Variants in PRKN observed in about 807,000 individuals in gnomAD.
PRKN encodes the protein E3 ubiquitin-protein ligase parkin.
PRKN carries 56 observed loss-of-function variants against 59.5 expected under a neutral mutation model. The observed-to-expected ratio is 0.94, with a 90% CI of 0.76 to 1.18. The LOEUF is 1.18. PRKN is among the 50% of genes most tolerant of loss of function. PRKN has a pLI of 0.00. For missense variants in PRKN, 657 were observed against 596.4 expected (o/e 1.10, Z -1.06); for synonymous variants, 250 against 222.1 (o/e 1.13, Z -1.12).
intron 1 of PRKN, among the ~76,000 whole-genome samples, chr6:162,497,973 G>A (rs1793145301): frequency 6.6e-6 from 1 of 151,958 alleles, no homozygotes; most frequent in African/African-American, 2.4e-5. Context: ...GCCCTGATTT[G>A]GTCATTACAT....
At chr6:162,517,780 A>T (rs1777926380) in intron 1 of PRKN, among the ~76,000 whole-genome samples, 2 of 152,110 alleles carry the variant, frequency 1.3e-5, no homozygotes, top group African/African-American at 4.8e-5. Context: ...GGACAAAAAA[A>T]CTGGGTTTTA....
intron 5 of PRKN, among the ~76,000 whole-genome samples, chr6:162,039,882 G>A (rs1270351255): frequency 6.6e-6 from 1 of 152,170 alleles, no homozygotes; most frequent in Non-Finnish European, 1.5e-5. Flanking sequence ...ACTGTGGAAG[G>A]TATGCCCGTC....
intron 2 of PRKN, among the ~76,000 whole-genome samples, chr6:162,310,054 A>T (rs1658145238): frequency 6.6e-6 from 1 of 152,058 alleles, no homozygotes; most frequent in South Asian, 2.1e-4. Context: ...ATTCTTTTTT[A>T]TGGCTGCATA....
intron 1 of PRKN, among the ~76,000 whole-genome samples, chr6:162,556,366 T>TGCGTGTGCGTGTGC (rs1554243442): frequency 1.5e-4 from 15 of 98,360 alleles, no homozygotes; most frequent in African/African-American, 4.2e-4. Context: ...TGTGTGTGTG[T>TGCGTGTGCGTGTGC]GTGTGTGTGT....
chr6:162,510,546 C>T (rs1164647509), intron 1 of PRKN, among the ~76,000 whole-genome samples: 2 of 152,150 alleles, frequency 1.3e-5, no homozygotes, highest in Admixed American at 6.6e-5. Flanking sequence ...CAGCTCTGAG[C>T]CCTCCAGGGC....
chr6:162,182,643 C>A (rs145069014), intron 4 of PRKN, among the ~76,000 whole-genome samples: 1 of 152,206 alleles, frequency 6.6e-6, no homozygotes, highest in African/African-American at 2.4e-5. Context: ...CCAGGATCCT[C>A]GCAGGAGTAC....
intron 2 of PRKN, among the ~76,000 whole-genome samples, chr6:162,426,373 T>G (rs968104678): frequency 6.6e-5 from 10 of 152,108 alleles, no homozygotes; most frequent in African/African-American, 2.4e-4. Context: ...GTGAAGAAAA[T>G]AAAATAAAAC....
intron 2 of PRKN, among the ~76,000 whole-genome samples, chr6:162,325,850 G>A (rs7769694): frequency 0.47 from 71,900 of 151,850 alleles, 17,632 homozygotes; most frequent in Middle Eastern, 0.54. Context: ...TTGAAAAAGA[G>A]TAAGTCAAAC....
intron 7 of PRKN, among the ~76,000 whole-genome samples, chr6:161,630,102 G>GA (rs1783243690): frequency 6.6e-6 from 1 of 152,148 alleles, no homozygotes; most frequent in African/African-American, 2.4e-5. Context: ...TTTTCAATTT[G>GA]ATTGAATTTC....
chr6:161,757,378 T>C (rs1032990587), intron 7 of PRKN, among the ~76,000 whole-genome samples: 2 of 152,192 alleles, frequency 1.3e-5, no homozygotes, highest in Admixed American at 6.5e-5. Context: ...ATTCTTACAT[T>C]TTTATAGTAA....
chr6:162,535,228 G>T lies in PRKN; in HGVS notation c.8-91755C>A, dbSNP rs541886058. 2.6e-5 allele frequency among the ~76,000 whole-genome samples: 4 copies of T among 152,168 alleles called. No homozygotes were observed. The South Asian group carries it at 8.3e-4, about 32-fold the overall frequency. ...TTCTGCAGCTCAGAGGGGATGGCTG[G>T]ACTACCAATCCTAATGGGTTGGGAC... On this transcript the variant is annotated intron_variant, in intron 1 of 11. Transcript: ENST00000366898.
At chr6:162,103,059 AG>A (rs1780044825) in intron 4 of PRKN, among the ~76,000 whole-genome samples, 1 of 151,284 alleles carries the variant, frequency 6.6e-6, no homozygotes, top group Admixed American at 6.6e-5. Context: ...AAAAAAAAAA[AG>A]AAAAAAAGAA....
In PRKN at chr6:161,347,609, TTTTG is replaced by T. The variant is rs1784382181; in HGVS notation, c.*2486_*2489del. 1 of 143,524 alleles carries T rather than the reference TTTTG, an allele frequency of 7.0e-6. No individual in the cohort carries two copies. Among genetic ancestry groups the T allele is most frequent in the South Asian group, 2.4e-4 (1 of 4,234 alleles). The allele number at this position is 143,524 out of a possible 1,614,324, so 8.9% of individuals were successfully genotyped here. A position where few individuals can be genotyped will look rare whatever the true frequency, so the allele number is the denominator to read the frequency against. ...TCATGTGTAGTGGATGATCTTGCTT[TTTTG>T]TTTTTGTTTTTTTTTTTTTTTTGAG... On this transcript the variant is annotated 3_prime_UTR_variant, in exon 12 of 12. Coordinates refer to ENST00000366898, the MANE Select transcript of PRKN (RefSeq NM_004562.3).
intron 7 of PRKN, among the ~76,000 whole-genome samples, chr6:161,612,718 C>CAAAA (rs57084261): frequency 2.7e-4 from 16 of 59,604 alleles, no homozygotes; most frequent in Non-Finnish European, 3.7e-4. Flanking sequence ...GACTCCATCT[C>CAAAA]AAAAAAAAAA....
intron 6 of PRKN, among the ~76,000 whole-genome samples, chr6:161,905,325 C>A (rs12211295): frequency 0.14 from 21,648 of 152,208 alleles, 1,889 homozygotes; most frequent in Non-Finnish European, 0.2. Flanking sequence ...ACCTGGGTCA[C>A]CCCAGGAGGA....
At chr6:161,881,288 A>C (rs1047684037) in intron 6 of PRKN, among the ~76,000 whole-genome samples, 1 of 152,200 alleles carries the variant, frequency 6.6e-6, no homozygotes, top group South Asian at 2.1e-4. Context: ...CGGGTTTGCC[A>C]GGGGAGTAGG....
intron 2 of PRKN, among the ~76,000 whole-genome samples, chr6:162,291,316 G>A (rs76498371): frequency 0.023 from 3,433 of 146,802 alleles, 128 homozygotes; most frequent in African/African-American, 0.081. Context: ...CTACAGAAGA[G>A]ATTGCCTGGA....
chr6:162,256,753 G>C (rs551711616), intron 3 of PRKN, among the ~76,000 whole-genome samples: 2 of 152,142 alleles, frequency 1.3e-5, no homozygotes, highest in Non-Finnish European at 2.9e-5. Context: ...GAGGCCTGTC[G>C]TTAGAAGAGC....
At chr6:162,012,836 G>T (rs1782787034) in intron 5 of PRKN, among the ~76,000 whole-genome samples, 1 of 151,946 alleles carries the variant, frequency 6.6e-6, no homozygotes, top group Non-Finnish European at 1.5e-5. Flanking sequence ...CCTCAATCTG[G>T]GTTTGTCTGA....
Sources: gnomAD v4.1 joint callset for allele counts (sites outside exome capture counted in the v4.1 genomes callset) on GRCh38, gnomAD v4.1.1 for gene constraint, MANE v1.5 for transcripts, NCBI Gene and HGNC (gene_info 2026-07-23, HGNC 2026-07-21) for gene names.